The following CELF2 variants were observed in gnomAD, a reference collection of about 807,000 sequenced individuals.
CELF2 encodes CUGBP Elav-like family member 2.
Under a neutral mutation model 62.6 loss-of-function variants are expected in CELF2, and 8 were observed. That is an observed-to-expected ratio of 0.13 (90% CI 0.07 to 0.23). The LOEUF (loss-of-function observed/expected upper bound fraction) is 0.23. Ranked by LOEUF, CELF2 falls within the 10% of genes least tolerant of loss-of-function variation. CELF2 has a pLI of 1.00. For missense variants in CELF2, 333 were observed against 671.0 expected (o/e 0.50, Z 5.56); for synonymous variants, 258 against 250.0 (o/e 1.03, Z -0.30).
intron 1 of CELF2, among the ~76,000 whole-genome samples, chr10:10,887,767 G>C (rs995470614): frequency 6.6e-6 from 1 of 151,278 alleles, no homozygotes; most frequent in African/African-American, 2.4e-5. Context: ...GTTCTGTGTA[G>C]ACTTTTATTT....
the CELF2 span, among the ~76,000 whole-genome samples, chr10:10,644,495 A>T: frequency 6.6e-6 from 1 of 151,752 alleles, no homozygotes; most frequent in South Asian, 2.1e-4. Flanking sequence ...TCTGGTTTTC[A>T]CCGCAGTTGA....
chr10:10,714,051 A>C, the CELF2 span, among the ~76,000 whole-genome samples: 2 of 152,076 alleles, frequency 1.3e-5, no homozygotes, highest in African/African-American at 4.8e-5. Flanking sequence ...AGAAAAGAAA[A>C]AGGAAATATG....
the CELF2 span, among the ~76,000 whole-genome samples, chr10:10,762,197 C>T: frequency 2.6e-5 from 4 of 151,964 alleles, no homozygotes; most frequent in Non-Finnish European, 4.4e-5. Context: ...ACAAACAAGG[C>T]AGACAAGAAA....
the CELF2 span, among the ~76,000 whole-genome samples, chr10:10,560,574 T>G: frequency 6.6e-6 from 1 of 152,098 alleles, no homozygotes; most frequent in Admixed American, 6.5e-5. Context: ...CTGGTGTGAA[T>G]GCAAACTAGT....
At chr10:10,506,451 G>C in the CELF2 span, among the ~76,000 whole-genome samples, 3 of 152,036 alleles carry the variant, frequency 2.0e-5, no homozygotes, top group Non-Finnish European at 2.9e-5. Flanking sequence ...CCACCAGAAA[G>C]ATTGATGTAA....
intron 2 of CELF2, among the ~76,000 whole-genome samples, chr10:11,194,468 CA>C (rs1228252198): frequency 5.9e-5 from 9 of 152,166 alleles, no homozygotes; most frequent in Non-Finnish European, 1.0e-4. Context: ...AACATGTGTA[CA>C]CCTTTGCATT....
At chr10:10,833,501 A>G (rs2058042096) in intron 1 of CELF2, among the ~76,000 whole-genome samples, 1 of 152,204 alleles carries the variant, frequency 6.6e-6, no homozygotes, top group Non-Finnish European at 1.5e-5. Context: ...GAAAGTAGAT[A>G]ATTAGGGGCA....
the CELF2 span, among the ~76,000 whole-genome samples, chr10:10,720,414 A>T: frequency 6.6e-6 from 1 of 152,082 alleles, no homozygotes; most frequent in African/African-American, 2.4e-5. Flanking sequence ...CGCGTAAATG[A>T]TTACATGTGA....
chr10:10,858,884 TC>T (rs1166595743), intron 1 of CELF2, among the ~76,000 whole-genome samples: 2 of 152,216 alleles, frequency 1.3e-5, no homozygotes, highest in Non-Finnish European at 2.9e-5. Context: ...TTATAACTTT[TC>T]TCACAACTCT....
Position 11,018,018 on chromosome 10 carries a change from T to G in CELF2, c.-72T>G. The G allele has an allele frequency of 9.3e-7, 1 of 1,070,574 alleles. No individual in the cohort carries two copies. Among genetic ancestry groups the G allele is most frequent in the Non-Finnish European group, 1.1e-6 (1 of 887,658 alleles). The allele number at this position is 1,070,574 out of a possible 1,614,324, so 66.3% of individuals were successfully genotyped here. On this transcript the variant is annotated 5_prime_UTR_variant, in exon 1 of 13. Transcript: ENST00000633077. ...CCGCGCGCACCTGTCCCTGCCCGTC[T>G]CGCGCCGCCCGCGGCCGCTCGGACG...
At chr10:10,654,954 G>A in the CELF2 span, among the ~76,000 whole-genome samples, 1 of 143,396 alleles carries the variant, frequency 7.0e-6, no homozygotes, top group African/African-American at 2.6e-5. Flanking sequence ...CGACATGATT[G>A]TATATCTAGA....
the CELF2 span, among the ~76,000 whole-genome samples, chr10:10,474,507 G>T: frequency 2.0e-5 from 3 of 152,018 alleles, no homozygotes; most frequent in Non-Finnish European, 4.4e-5. Context: ...AATGAAAGCA[G>T]CAATACACAA....
the CELF2 span, among the ~76,000 whole-genome samples, chr10:10,617,452 A>C: frequency 6.6e-6 from 1 of 152,174 alleles, no homozygotes; most frequent in Non-Finnish European, 1.5e-5. Context: ...AAGGAATGAC[A>C]GTATCAAATT....
the CELF2 span, among the ~76,000 whole-genome samples, chr10:10,518,726 T>TAAAAAAA: frequency 0.099 from 15,001 of 150,818 alleles, 869 homozygotes; most frequent in South Asian, 0.23. Context: ...GATTTTTTTT[T>TAAAAAAA]AAAAAAAAAT....
chr10:10,471,899 G>A, the CELF2 span, among the ~76,000 whole-genome samples: 1 of 151,682 alleles, frequency 6.6e-6, no homozygotes, highest in Admixed American at 6.6e-5. Flanking sequence ...TTGTTTAAAT[G>A]TGTAGCCATT....
chr10:11,081,577 T>C (rs1057023603), intron 1 of CELF2, among the ~76,000 whole-genome samples: 2 of 152,108 alleles, frequency 1.3e-5, no homozygotes, highest in Non-Finnish European at 2.9e-5. Context: ...CTTGGAAGAG[T>C]TGAGATAGAA....
chr10:11,059,883 G>A (rs143086172), intron 1 of CELF2, among the ~76,000 whole-genome samples: 5 of 152,320 alleles, frequency 3.3e-5, no homozygotes, highest in East Asian at 3.9e-4. Context: ...AATTGCTGGA[G>A]TTTATCTGAT....
chr10:10,882,706 G>A (rs17149038), intron 1 of CELF2, among the ~76,000 whole-genome samples: 8,509 of 152,104 alleles, frequency 0.056, 487 homozygotes, highest in African/African-American at 0.15. Flanking sequence ...AATTTTCTCC[G>A]TAAGATTTTC....
At chr10:10,877,739 T>C (rs1187079765) in intron 1 of CELF2, among the ~76,000 whole-genome samples, 1 of 152,220 alleles carries the variant, frequency 6.6e-6, no homozygotes, top group Non-Finnish European at 1.5e-5. Context: ...ATGGACGAGT[T>C]GGGTAGGAGG....
Sources: allele counts gnomAD v4.1 joint callset (sites outside exome capture counted in the v4.1 genomes callset), GRCh38; gene constraint gnomAD v4.1.1; transcripts MANE v1.5; gene names NCBI Gene and HGNC (gene_info 2026-07-23, HGNC 2026-07-21).